ANXA6: variants seen among roughly 807,000 people sequenced by gnomAD.
ANXA6 encodes annexin A6, also known as 67 kDa calelectrin.
A neutral mutation model predicts 95.4 loss-of-function variants in ANXA6; 71 were observed. The ratio of observed to expected loss-of-function variants is 0.74; its 90% CI spans 0.61 to 0.91. The LOEUF is 0.91. Ranked by LOEUF, ANXA6 falls within the 40% of genes least tolerant of loss-of-function variation. The probability of loss-of-function intolerance (pLI) is 0.00; values close to 1 mark genes in which losing one functional copy is unlikely to be tolerated. For synonymous variants in ANXA6, 289 were observed against 315.9 expected (o/e 0.91, Z 0.90); for missense variants, 830 against 876.4 (o/e 0.95, Z 0.67).
At chr5:151,128,000 C>CAA (rs2113925390) in intron 13 of ANXA6, among the ~76,000 whole-genome samples, 181 bp downstream of exon 13, 1 of 152,298 alleles carries the variant, frequency 6.6e-6, no homozygotes, top group South Asian at 2.1e-4. Flanking sequence ...CCCACACTCT[C>CAA]AGACACACAG....
intron 1 of ANXA6, among the ~76,000 whole-genome samples, chr5:151,156,970 C>A (rs1766252825): frequency 6.6e-6 from 1 of 152,158 alleles, no homozygotes; most frequent in South Asian, 2.1e-4. Context: ...GTATTTTGCT[C>A]CCATGCTGGT....
intron 24 of ANXA6, among the ~76,000 whole-genome samples, chr5:151,104,620 G>C (rs1235576039): frequency 6.6e-6 from 1 of 152,192 alleles, no homozygotes; most frequent in Non-Finnish European, 1.5e-5. Flanking sequence ...GTCACATTTG[G>C]AGACTGTAGG....
chr5:151,103,698 G>A lies in ANXA6; in HGVS notation c.1840-6C>T, dbSNP rs748924444. 1.2e-5 allele frequency: 19 copies of A among 1,606,640 alleles called. No individual in the cohort carries two copies. Among genetic ancestry groups the A allele is most frequent in the Non-Finnish European group, 1.4e-5 (17 of 1,176,716 alleles). On this transcript the variant is annotated splice_region_variant and splice_polypyrimidine_tract_variant and intron_variant, in intron 24 of 25. Transcript: ENST00000354546. The stretch of plus-strand genomic sequence containing the variant: ...TTCTCATCTGTGCCAGCACCCTGGT[G>A]GAGCCAGGCAGGAGGGAGACACAGG...
chr5:151,147,850 T>C, intron 2 of ANXA6, 34 bp downstream of exon 2: 1 of 1,587,604 alleles, frequency 6.3e-7, no homozygotes. Flanking sequence ...CAGAGAAGGC[T>C]GAGTACCACC....
Position 151,113,500 on chromosome 5 carries a change from TAA to T in ANXA6, c.1573-2858_1573-2857del, listed in dbSNP as rs10599524. 2.4e-3 allele frequency among the ~76,000 whole-genome samples: 367 copies of T among 152,314 alleles called. 4 individuals carry two copies. Among genetic ancestry groups the T allele is most frequent in the African/African-American group, 8.3e-3 (345 of 41,564 alleles). The stretch of plus-strand genomic sequence containing the variant: ...ATGCTAAATAAAACGGTATCATTTT[TAA>T]AAAGAGAGAGAGAGGGACATGTTTA... On this transcript the variant is annotated intron_variant, in intron 20 of 25. Coordinates refer to ENST00000354546, the MANE Select transcript of ANXA6 (RefSeq NM_001155.5).
rs183081295 is a variant in ANXA6 at position 151,137,341 on chromosome 5, G to T, written c.319-20C>A. The T allele has an allele frequency of 1.7e-5, 28 of 1,601,824 alleles. No individual in the cohort carries two copies. Among genetic ancestry groups the T allele is most frequent in the Non-Finnish European group, 2.2e-5 (26 of 1,171,940 alleles). On this transcript the variant is annotated intron_variant, in intron 5 of 25. Transcript: ENST00000354546. ...AATGCCCTGGGGGTAGAAAAAGAGC[G>T]CATGAATTAAGGGCAGGGATGGGAG...
In ANXA6 at chr5:151,117,154, G is replaced by GT. The variant is rs752037773; in HGVS notation, c.1544dup (p.Asn515LysfsTer14). 1 of 1,594,626 alleles carries GT rather than the reference G, an allele frequency of 6.3e-7. No individual in the cohort carries two copies. Among genetic ancestry groups the GT allele is most frequent in the Non-Finnish European group, 8.6e-7 (1 of 1,169,160 alleles). ...GGGCATCTTCCCGTGCCTGGTCCAG[G>GT]TTTTCTCCTCCCTCCTCACGATGCC... On this transcript the variant is annotated frameshift_variant, in exon 20 of 26. Coordinates refer to ENST00000354546, the MANE Select transcript of ANXA6 (RefSeq NM_001155.5). LOFTEE classifies it high-confidence loss of function.
intron 13 of ANXA6, among the ~76,000 whole-genome samples, chr5:151,126,959 C>T (rs576543833): frequency 2.6e-5 from 4 of 152,292 alleles, no homozygotes; most frequent in South Asian, 4.1e-4. Flanking sequence ...TCAGGTGATC[C>T]GCCCGCCTCA....
intron 1 of ANXA6, among the ~76,000 whole-genome samples, 171 bp from the exon 2 acceptor site, chr5:151,148,097 C>G (rs1483292623): frequency 6.6e-6 from 1 of 151,856 alleles, no homozygotes; most frequent in Admixed American, 6.6e-5. Flanking sequence ...AGACAATGGA[C>G]AGACTAGATG....
At chr5:151,107,381 G>A (rs934239763) in intron 23 of ANXA6, among the ~76,000 whole-genome samples, 3 of 152,204 alleles carry the variant, frequency 2.0e-5, no homozygotes, top group African/African-American at 7.2e-5. Context: ...GACATATAGT[G>A]AGTAAGTGGC....
At chr5:151,131,114 G>A in intron 11 of ANXA6, 117 bp downstream of exon 11, 1 of 1,049,134 alleles carries the variant, frequency 9.5e-7, no homozygotes, top group Non-Finnish European at 1.4e-6. Context: ...CCTTCACCAG[G>A]GTCAGTCCTG....
chr5:151,110,960 G>C (rs1212900544), intron 20 of ANXA6, among the ~76,000 whole-genome samples: 1 of 152,200 alleles, frequency 6.6e-6, no homozygotes, highest in East Asian at 1.9e-4. Flanking sequence ...AAAACCCAGA[G>C]GAGATTCCAG....
intron 10 of ANXA6, among the ~76,000 whole-genome samples, chr5:151,131,550 T>C (rs894729333): frequency 6.6e-6 from 1 of 152,182 alleles, no homozygotes; most frequent in Non-Finnish European, 1.5e-5. Context: ...TTTCTAGTCC[T>C]TTTGGTTTTA....
intron 17 of ANXA6, among the ~76,000 whole-genome samples, chr5:151,120,580 G>T (rs1049109870): frequency 1.3e-5 from 2 of 152,122 alleles, no homozygotes; most frequent in East Asian, 3.9e-4. Context: ...TTAGCTGGTC[G>T]TGGTGGCGTG....
chr5:151,142,433 G>A (rs192695420), intron 2 of ANXA6, among the ~76,000 whole-genome samples: 62 of 151,426 alleles, frequency 4.1e-4, no homozygotes, highest in East Asian at 1.2e-3. Flanking sequence ...AGCTCAGATC[G>A]CATCACTGCA....
intron 8 of ANXA6, 65 bp from the exon 9 acceptor site, chr5:151,133,252 AG>A: frequency 8.5e-7 from 1 of 1,175,030 alleles, no homozygotes; most frequent in East Asian, 2.6e-5. Context: ...ACACTGACCA[AG>A]CCACTCAGAA....
At chr5:151,137,796 C>T (rs1478434949) in intron 5 of ANXA6, among the ~76,000 whole-genome samples, 2 of 152,210 alleles carry the variant, frequency 1.3e-5, no homozygotes, top group African/African-American at 4.8e-5. Flanking sequence ...AGCCACAATG[C>T]TTCCTGTTCA....
In ANXA6 at chr5:151,117,143, G is replaced by A; in HGVS notation, c.1556C>T (p.Ala519Val). The A allele has an allele frequency of 1.3e-6, 2 of 1,592,254 alleles. No individual in the cohort carries two copies. Among genetic ancestry groups the A allele is most frequent in the East Asian group, 2.3e-5 (1 of 42,830 alleles). ...REEGGENLDQ[A>V]REDAQVAAEI... ...GGGTCTTACCTGGGCATCTTCCCGT[G>A]CCTGGTCCAGGTTTTCTCCTCCCTC... is the stretch of plus-strand genomic sequence containing the variant. The change falls in exon 20 of 26, where the codon GCA becomes GTA. Residue 519 changes from alanine to valine, a missense_variant. Coordinates refer to ENST00000354546, the MANE Select transcript of ANXA6 (RefSeq NM_001155.5).
chr5:151,123,096 G>A (rs1341140231), intron 15 of ANXA6, 85 bp from the exon 16 acceptor site: 34 of 1,189,728 alleles, frequency 2.9e-5, no homozygotes, highest in Non-Finnish European at 3.8e-5. Context: ...GCCCCTCATC[G>A]ATCTTTGTCA....
Sources: allele counts gnomAD v4.1 joint callset (sites outside exome capture counted in the v4.1 genomes callset), GRCh38; gene constraint gnomAD v4.1.1; transcripts MANE v1.5; gene names NCBI Gene and HGNC (gene_info 2026-07-23, HGNC 2026-07-21).